Variants in EPHA5 observed in about 807,000 individuals in gnomAD.
EPHA5 encodes the protein EPH receptor A5.
A neutral mutation model predicts 105.0 loss-of-function variants in EPHA5; 60 were observed. The ratio of observed to expected loss-of-function variants is 0.57; its 90% CI spans 0.46 to 0.71. The LOEUF is 0.71. EPHA5 is among the 30% of genes least tolerant of loss of function. The pLI is 0.00. For missense variants in EPHA5, 1,218 were observed against 1,274.7 expected, an observed-to-expected ratio of 0.96 and a Z score of 0.68; for synonymous variants, 513 against 449.1, an observed-to-expected ratio of 1.14 and a Z score of -1.80.
At chr4:65,340,714 C>A (rs1002442168) in intron 14 of EPHA5, among the ~76,000 whole-genome samples, 3 of 152,132 alleles carry the variant, frequency 2.0e-5, no homozygotes, top group Non-Finnish European at 4.4e-5. Context: ...AACCATGAAA[C>A]AGATGTTTTC....
At chr4:65,535,939 T>C (rs1330290117) in intron 3 of EPHA5, among the ~76,000 whole-genome samples, 2 of 152,012 alleles carry the variant, frequency 1.3e-5, no homozygotes, top group Admixed American at 6.6e-5. Context: ...CAATAAAACA[T>C]TTTTTAAAAG....
chr4:65,636,040 C>A (rs1457345909), intron 2 of EPHA5, among the ~76,000 whole-genome samples: 1 of 152,070 alleles, frequency 6.6e-6, no homozygotes, highest in Non-Finnish European at 1.5e-5. Context: ...AAAATTGATT[C>A]TAAATGCTTT....
chr4:65,405,133 C>T (rs1296605424), intron 7 of EPHA5, among the ~76,000 whole-genome samples: 1 of 152,112 alleles, frequency 6.6e-6, no homozygotes, highest in Non-Finnish European at 1.5e-5. Flanking sequence ...ATCACCTACT[C>T]TTTATATACA....
intron 5 of EPHA5, among the ~76,000 whole-genome samples, chr4:65,480,135 G>A (rs1430167554): frequency 1.3e-5 from 2 of 151,972 alleles, no homozygotes; most frequent in Admixed American, 6.6e-5. Flanking sequence ...AGGAAAGGAA[G>A]AGAGAAAGGA....
Position 65,495,422 on chromosome 4 carries a change from C to T in EPHA5, c.1032G>A (p.Arg344=), listed in dbSNP as rs1352856592. ...CCATTGTGGGTGGATCAGACTCTCT[C>T]CTGAAATAATCCTTTTCACAGACAC... ...TSCVCEKDYF[R]RESDPPTMAC... is the part of the protein sequence containing the mutation. The change falls in exon 4 of 17, where the codon AGG becomes AGA. Residue 344 remains arginine (R), a synonymous_variant. Transcript: ENST00000613740. 1 of 1,613,636 alleles carries T rather than the reference C, an allele frequency of 6.2e-7. No individual in the cohort carries two copies. The highest frequency in any genetic ancestry group is 1.1e-5 in the South Asian group (1 of 91,046).
At chr4:65,623,560 A>C (rs1424346862) in intron 2 of EPHA5, among the ~76,000 whole-genome samples, 2 of 152,154 alleles carry the variant, frequency 1.3e-5, no homozygotes, top group Non-Finnish European at 2.9e-5. Flanking sequence ...TGCTATGAGG[A>C]GATACAGTGT....
At chr4:65,659,059 A>ACCTTC (rs1749313189) in intron 1 of EPHA5, among the ~76,000 whole-genome samples, 1 of 152,044 alleles carries the variant, frequency 6.6e-6, no homozygotes, top group East Asian at 1.9e-4. Context: ...AAAGGTGAGT[A>ACCTTC]CATTTTCCAG....
rs1578480861 is a variant in EPHA5 at position 65,579,013 on chromosome 4, G to A, written c.910+22628C>T. On this transcript the variant is annotated intron_variant, in intron 3 of 16. Coordinates refer to ENST00000613740, the MANE Select transcript of EPHA5 (RefSeq NM_001281766.3). ...TTTGAACTAGAAAAGGTAGCCTAAT[G>A]TGGGAAAGAATGGTATTTTTTAGTG... is the stretch of plus-strand genomic sequence containing the variant. Among the ~76,000 whole-genome samples the A allele has an allele frequency of 3.9e-5, 6 of 152,078 alleles. No homozygotes were observed. The South Asian group carries it at 1.2e-3, about 32-fold the overall frequency.
intron 5 of EPHA5, among the ~76,000 whole-genome samples, chr4:65,442,378 C>T (rs1371897526): frequency 6.6e-6 from 1 of 152,142 alleles, no homozygotes; most frequent in African/African-American, 2.4e-5. Context: ...AGTAAGAGAA[C>T]TCTCACCAAA....
intron 3 of EPHA5, among the ~76,000 whole-genome samples, chr4:65,600,635 G>A (rs62297691): frequency 0.093 from 14,144 of 152,068 alleles, 1,023 homozygotes; most frequent in East Asian, 0.33. Flanking sequence ...TGCACCTGAA[G>A]CTACCAGGTG....
chr4:65,552,045 C>T (rs923074446), intron 3 of EPHA5, among the ~76,000 whole-genome samples: 1 of 152,158 alleles, frequency 6.6e-6, no homozygotes, highest in African/African-American at 2.4e-5. Context: ...TTATTTCTAC[C>T]TGTTTCCTCA....
rs570842816 is a variant in EPHA5, at chr4:65,633,528, C to T, written c.246+9835G>A. On this transcript the variant is annotated intron_variant, in intron 2 of 16. Transcript: ENST00000613740. The stretch of plus-strand genomic sequence containing the variant: ...AAACAAAAATAATTATACTCACATA[C>T]GGAAACTGGTGCAAATATCAATGTC... 1.6e-4 allele frequency among the ~76,000 whole-genome samples: 24 copies of T among 151,732 alleles called. 1 individual carries two copies. The South Asian group carries it at 3.9e-3, about 25-fold the overall frequency.
chr4:65,382,700 C>T (rs1719679053), intron 8 of EPHA5, among the ~76,000 whole-genome samples: 1 of 151,712 alleles, frequency 6.6e-6, no homozygotes, highest in Non-Finnish European at 1.5e-5. Context: ...AACAAAAGTC[C>T]AGGCCTTACT....
At position 65,498,206 on chromosome 4, in the gene EPHA5, T is replaced by G. The variant is rs572818770; in HGVS notation, c.911-2663A>C. On this transcript the variant is annotated intron_variant, in intron 3 of 16. Transcript: ENST00000613740. The stretch of plus-strand genomic sequence containing the variant: ...GATACTAAAGAATTGATCAAGAAGA[T>G]AGTCAGAATAAAGTGGAAGAGTCAA... Among the ~76,000 whole-genome samples, 14 of 151,996 alleles carry G rather than the reference T, an allele frequency of 9.2e-5. No homozygotes were observed. In the East Asian group the frequency reaches 1.4e-3, roughly 15 times the overall value.
chr4:65,432,851 A>G lies in EPHA5; in HGVS notation c.1403-12286T>C, dbSNP rs1378651122. Among the ~76,000 whole-genome samples the G allele has an allele frequency of 2.6e-5, 4 of 151,458 alleles. No individual in the cohort carries two copies. In the East Asian group the frequency reaches 5.8e-4, roughly 22 times the overall value. On this transcript the variant is annotated intron_variant, in intron 5 of 16. Transcript: ENST00000613740. ...ATAAATTTTGCATATAAATTAATAA[A>G]GTATATATTATATATAAAAATACAT...
chr4:65,406,780 A>G (rs1377551461), intron 7 of EPHA5, among the ~76,000 whole-genome samples: 2 of 152,252 alleles, frequency 1.3e-5, no homozygotes, highest in African/African-American at 4.8e-5. Context: ...AAAAATTAAC[A>G]TGTTTAAAAT....
chr4:65,655,755 G>A (rs1224471246), intron 1 of EPHA5, among the ~76,000 whole-genome samples: 1 of 151,984 alleles, frequency 6.6e-6, no homozygotes. Flanking sequence ...ATAAGTTTAG[G>A]TGGGTCCAGA....
intron 2 of EPHA5, among the ~76,000 whole-genome samples, chr4:65,643,090 C>T (rs1050679355): frequency 2.0e-5 from 3 of 151,884 alleles, no homozygotes; most frequent in African/African-American, 7.2e-5. Context: ...TTAATGTGAA[C>T]TTTTCCTAAA....
At chr4:65,492,260 G>T (rs1578242855) in intron 4 of EPHA5, among the ~76,000 whole-genome samples, 1 of 152,056 alleles carries the variant, frequency 6.6e-6, no homozygotes, top group Middle Eastern at 3.4e-3. Flanking sequence ...GAAATGCACT[G>T]GAGTGATTTT....
Sources: allele counts gnomAD v4.1 joint callset (sites outside exome capture counted in the v4.1 genomes callset), GRCh38; gene constraint gnomAD v4.1.1; transcripts MANE v1.5; gene names NCBI Gene and HGNC (gene_info 2026-07-23, HGNC 2026-07-21).